The following IDO2 variants were observed in gnomAD, a reference collection of about 807,000 sequenced individuals.
IDO2 encodes the protein indoleamine 2,3-dioxygenase-like 1 protein.
Under a neutral mutation model 45.1 loss-of-function variants are expected in IDO2, and 46 were observed. The observed-to-expected ratio is 1.02, with a 90% CI of 0.80 to 1.30. IDO2 has a LOEUF of 1.30. IDO2 is among the 50% of genes most tolerant of loss of function. The pLI is 0.00. For missense variants in IDO2, 544 were observed against 491.8 expected, an observed-to-expected ratio of 1.11 and a Z score of -1.00; for synonymous variants, 218 against 184.9, an observed-to-expected ratio of 1.18 and a Z score of -1.45.
At chr8:39,967,596 T>C (rs1313162385) in intron 3 of IDO2, among the ~76,000 whole-genome samples, 1 of 152,172 alleles carries the variant, frequency 6.6e-6, no homozygotes, top group Non-Finnish European at 1.5e-5. Context: ...CAAGCAATTG[T>C]CCTGCCTCAG....
At chr8:39,970,022 A>G (rs1409101568) in intron 3 of IDO2, among the ~76,000 whole-genome samples, 1 of 152,236 alleles carries the variant, frequency 6.6e-6, no homozygotes, top group Non-Finnish European at 1.5e-5. Flanking sequence ...GAAAATTAAA[A>G]GTGCTACTCC....
At chr8:39,994,974 C>T (rs117718662) in intron 8 of IDO2, 1,622 of 152,230 alleles carry the variant, frequency 0.011, 23 homozygotes, top group Middle Eastern at 0.037. Context: ...AGTTGACGGC[C>T]TCTATTCACA....
rs148858345 is a variant in IDO2, at chr8:40,008,140, G to A, written c.719+2762G>A. 1.9e-3 allele frequency among the ~76,000 whole-genome samples: 281 copies of A among 149,034 alleles called. 2 individuals carry two copies. The highest frequency in any genetic ancestry group is 6.6e-3 in the African/African-American group (264 of 39,874). On this transcript the variant is annotated intron_variant, in intron 9 of 10. Coordinates refer to ENST00000502986, the Ensembl canonical transcript of IDO2. ...CGGCTCACCACAACCTCCATCTCCC[G>A]GGTTCAAGTGATTCTCCTGCCTCAG...
intron 1 of IDO2, among the ~76,000 whole-genome samples, chr8:39,948,794 C>T (rs1335360655): frequency 6.6e-6 from 1 of 152,078 alleles, no homozygotes; most frequent in Non-Finnish European, 1.5e-5. Context: ...GGAGCAGGTA[C>T]CTGTTAGGGT....
exon 8 of IDO2, chr8:39,989,807 G>A: frequency 6.2e-7 from 1 of 1,601,742 alleles, no homozygotes; most frequent in Non-Finnish European, 8.5e-7. Flanking sequence ...TGTCTATTCA[G>A]GACATCACCA....
At chr8:39,998,323 T>C (rs1169180782) in intron 8 of IDO2, 2 of 152,240 alleles carry the variant, frequency 1.3e-5, no homozygotes, top group Admixed American at 1.3e-4. Flanking sequence ...TCTGCAACTT[T>C]CTTTTGAAAA....
At chr8:39,957,359 T>C (rs2729487) in intron 2 of IDO2, among the ~76,000 whole-genome samples, 28,783 of 151,846 alleles carry the variant, frequency 0.19, 2,737 homozygotes, top group East Asian at 0.27. Context: ...CACCTATAAT[T>C]CCAGCATTTT....
intron 8 of IDO2, chr8:39,998,428 C>T (rs1262828902): frequency 6.6e-6 from 1 of 152,066 alleles, no homozygotes; most frequent in African/African-American, 2.4e-5. Context: ...CATAATGACT[C>T]CTCCAGGGCA....
intron 2 of IDO2, among the ~76,000 whole-genome samples, chr8:39,959,264 C>T (rs148950161): frequency 0.16 from 23,548 of 145,878 alleles, 2,016 homozygotes; most frequent in East Asian, 0.28. Flanking sequence ...CCCGCCACCA[C>T]GCTGGGCTAA....
intron 8 of IDO2, among the ~76,000 whole-genome samples, chr8:39,999,872 T>C (rs1802108312): frequency 6.6e-6 from 1 of 152,258 alleles, no homozygotes; most frequent in Admixed American, 6.5e-5. Context: ...TCCGTAAACA[T>C]TCACCAGAGG....
intron 1 of IDO2, among the ~76,000 whole-genome samples, chr8:39,938,606 T>C (rs1452069423): frequency 6.6e-6 from 1 of 151,986 alleles, no homozygotes; most frequent in Non-Finnish European, 1.5e-5. Flanking sequence ...CATATCAATA[T>C]TAAAATGTGA....
intron 8 of IDO2, among the ~76,000 whole-genome samples, chr8:40,001,245 A>ATTTTTT (rs1187145007): frequency 1.5e-4 from 14 of 94,446 alleles, no homozygotes; most frequent in Non-Finnish European, 1.5e-4. Context: ...GGCTTTCCTC[A>ATTTTTT]TTTTTTTTTT....
chr8:39,961,856 T>A (rs570505937), intron 2 of IDO2, among the ~76,000 whole-genome samples: 102 of 152,194 alleles, frequency 6.7e-4, no homozygotes, highest in Non-Finnish European at 1.1e-3. Context: ...CCTCAATTCC[T>A]CTTCTTCTTA....
chr8:39,980,909 C>T (rs1374240383), intron 4 of IDO2, among the ~76,000 whole-genome samples: 2 of 151,898 alleles, frequency 1.3e-5, no homozygotes, highest in African/African-American at 4.8e-5. Context: ...GCCGCCACGG[C>T]CAGCTAATTT....
intron 3 of IDO2, among the ~76,000 whole-genome samples, chr8:39,973,974 A>T (rs1808221145): frequency 6.6e-6 from 1 of 152,116 alleles, no homozygotes. Flanking sequence ...TCCTGACCTC[A>T]AGTGATCCAC....
chr8:39,981,062 A>ATT (rs11299960), intron 4 of IDO2, among the ~76,000 whole-genome samples: 2 of 121,770 alleles, frequency 1.6e-5, no homozygotes, highest in African/African-American at 3.2e-5. Flanking sequence ...AGTGCATTGC[A>ATT]TTTTTTTTTT....
At chr8:40,009,810 C>T (rs982515220) in intron 9 of IDO2, among the ~76,000 whole-genome samples, 2 of 152,136 alleles carry the variant, frequency 1.3e-5, no homozygotes, top group African/African-American at 2.4e-5. Context: ...GTCTCTTGGC[C>T]ATTTGAGACA....
chr8:39,979,185 A>T (rs1389096724), exon 4 of IDO2: 1 of 1,580,800 alleles, frequency 6.3e-7, no homozygotes, highest in Non-Finnish European at 8.6e-7. Context: ...CAGCCTGCAG[A>T]GGTGAGGGCC....
intron 8 of IDO2, among the ~76,000 whole-genome samples, chr8:40,002,180 T>C (rs1802148028): frequency 6.6e-6 from 1 of 152,222 alleles, no homozygotes; most frequent in Non-Finnish European, 1.5e-5. Context: ...CTACTTATAA[T>C]TATCTGTAAG....
Sources: allele counts gnomAD v4.1 joint callset (sites outside exome capture counted in the v4.1 genomes callset), GRCh38; gene constraint gnomAD v4.1.1; transcripts MANE v1.5; gene names NCBI Gene and HGNC (gene_info 2026-07-23, HGNC 2026-07-21).